CA10: variants seen among roughly 807,000 people sequenced by gnomAD.
CA10 encodes the protein carbonic anhydrase-related protein 10.
CA10 carries 14 observed loss-of-function variants against 44.2 expected under a neutral mutation model. That is an observed-to-expected ratio of 0.32 (90% CI 0.21 to 0.50). The LOEUF is 0.50. Among genes scored for constraint, CA10 ranks in the 20% least tolerant of loss-of-function variants. The pLI is 0.99. For synonymous variants in CA10, 159 were observed against 141.6 expected, an observed-to-expected ratio of 1.12 and a Z score of -0.87; for missense variants, 350 against 409.7, an observed-to-expected ratio of 0.85 and a Z score of 1.26.
intron 3 of CA10, among the ~76,000 whole-genome samples, chr17:51,904,045 A>G (rs1981434778): frequency 6.6e-6 from 1 of 151,318 alleles, no homozygotes. Flanking sequence ...AAGTAAATAC[A>G]GTTTCTGTTT....
At chr17:51,762,448 C>A (rs1905241728) in intron 3 of CA10, 1 of 152,040 alleles carries the variant, frequency 6.6e-6, no homozygotes, top group Non-Finnish European at 1.5e-5. Flanking sequence ...CTGGAGATGC[C>A]TAGAATAGGG....
intron 3 of CA10, among the ~76,000 whole-genome samples, chr17:51,901,383 T>C (rs1981307657): frequency 6.6e-6 from 1 of 152,132 alleles, no homozygotes; most frequent in Non-Finnish European, 1.5e-5. Flanking sequence ...AGAAAGCTGC[T>C]GTACAAGAGG....
At position 51,849,231 on chromosome 17, in the gene CA10, GTGTATATATATA is replaced by G. The variant is rs1242582183; in HGVS notation, c.279+81747_279+81758del. On this transcript the variant is annotated intron_variant, in intron 3 of 8. Transcript: ENST00000451037. ...TATATATATATATACATATATGTGT[GTGTATATATATA>G]TATATATATATATATATATATAAAA... Among the ~76,000 whole-genome samples, 167 of 55,896 alleles carry G rather than the reference GTGTATATATATA, an allele frequency of 3.0e-3. 4 individuals carry two copies. Among genetic ancestry groups the G allele is most frequent in the Middle Eastern group, 0.013 (1 of 80 alleles). The allele number at this position is 55,896 out of a possible 152,430, so 36.7% of individuals were successfully genotyped here.
At chr17:52,120,066 G>T (rs1253059869) in intron 1 of CA10, among the ~76,000 whole-genome samples, 1 of 152,170 alleles carries the variant, frequency 6.6e-6, no homozygotes, top group African/African-American at 2.4e-5. Flanking sequence ...GAGAAAATAA[G>T]ACCAAGGGAG....
intron 2 of CA10, among the ~76,000 whole-genome samples, chr17:51,942,166 C>G (rs908348927): frequency 6.6e-6 from 1 of 152,050 alleles, no homozygotes; most frequent in African/African-American, 2.4e-5. Flanking sequence ...CCAGCTGTTC[C>G]AGTCTGTCTT....
intron 3 of CA10, among the ~76,000 whole-genome samples, chr17:51,758,203 T>C (rs1905128114): frequency 6.6e-6 from 1 of 152,234 alleles, no homozygotes; most frequent in South Asian, 2.1e-4. Flanking sequence ...ACTGAAAAAC[T>C]AGATGAAATG....
intron 1 of CA10, among the ~76,000 whole-genome samples, chr17:52,132,609 G>T (rs921541939): frequency 1.3e-5 from 2 of 152,210 alleles, no homozygotes; most frequent in Non-Finnish European, 2.9e-5. Context: ...AGGGAATGAA[G>T]GCACAGTGAA....
intron 1 of CA10, among the ~76,000 whole-genome samples, chr17:52,115,258 C>T (rs537697600): frequency 6.6e-6 from 1 of 152,308 alleles, no homozygotes; most frequent in Admixed American, 6.5e-5. Context: ...ACTTTCCTCA[C>T]CCTTCAATGT....
At chr17:51,937,291 T>A (rs1475082033) in intron 2 of CA10, among the ~76,000 whole-genome samples, 1 of 152,224 alleles carries the variant, frequency 6.6e-6, no homozygotes, top group Admixed American at 6.5e-5. Context: ...CCTGATTTAC[T>A]GTCTCTTCCT....
At chr17:51,747,966 C>T (rs1446804669) in intron 3 of CA10, 148 bp from the exon 4 acceptor site, 3 of 598,924 alleles carry the variant, frequency 5.0e-6, no homozygotes, top group Non-Finnish European at 8.9e-6. Flanking sequence ...TGGCAGCTGC[C>T]CCAGAGGGTA....
intron 4 of CA10, among the ~76,000 whole-genome samples, chr17:51,705,894 G>C (rs1164791953): frequency 1.3e-5 from 2 of 152,126 alleles, no homozygotes; most frequent in African/African-American, 4.8e-5. Flanking sequence ...GCAAGGTAGG[G>C]GTAGTTTTTT....
chr17:51,827,003 T>C (rs1908032392), intron 3 of CA10, among the ~76,000 whole-genome samples: 1 of 152,162 alleles, frequency 6.6e-6, no homozygotes, highest in African/African-American at 2.4e-5. Context: ...AGTGCTATCA[T>C]TTCCTACTGG....
At chr17:51,973,887 A>T (rs934893996) in intron 2 of CA10, among the ~76,000 whole-genome samples, 3 of 152,210 alleles carry the variant, frequency 2.0e-5, no homozygotes, top group Non-Finnish European at 2.9e-5. Flanking sequence ...GGGAAGTATA[A>T]TGTCAACAGA....
chr17:52,008,948 C>G (rs1252947131), intron 2 of CA10, among the ~76,000 whole-genome samples: 1 of 151,912 alleles, frequency 6.6e-6, no homozygotes, highest in Admixed American at 6.6e-5. Context: ...ATAGGAAGTG[C>G]TTCTTATCTT....
chr17:52,032,523 T>C (rs1986498318), intron 2 of CA10, among the ~76,000 whole-genome samples: 1 of 152,170 alleles, frequency 6.6e-6, no homozygotes, highest in South Asian at 2.1e-4. Flanking sequence ...ACTGTCTTCA[T>C]GGTACCTTCC....
At chr17:51,913,655 C>T (rs990970000) in intron 3 of CA10, among the ~76,000 whole-genome samples, 4 of 71,528 alleles carry the variant, frequency 5.6e-5, no homozygotes, top group Admixed American at 5.1e-4. Context: ...TAGAGAAGTC[C>T]GAATGACCGC....
chr17:51,953,837 A>G (rs1473778296), intron 2 of CA10, among the ~76,000 whole-genome samples: 3 of 152,150 alleles, frequency 2.0e-5, no homozygotes, highest in Non-Finnish European at 4.4e-5. Context: ...AAAGGGTACA[A>G]ATATCAAACA....
At chr17:51,849,263 AT>A (rs1388846948) in intron 3 of CA10, among the ~76,000 whole-genome samples, 41 of 138,600 alleles carry the variant, frequency 3.0e-4, no homozygotes, top group African/African-American at 1.0e-3. Context: ...ATATATATAT[AT>A]AAAACTAAGT....
At chr17:51,656,344 G>A (rs1035578508) in intron 4 of CA10, among the ~76,000 whole-genome samples, 2 of 152,212 alleles carry the variant, frequency 1.3e-5, no homozygotes, top group African/African-American at 4.8e-5. Flanking sequence ...TGGGAGCCAG[G>A]AACTGTAAGA....
Sources: gnomAD v4.1 joint callset for allele counts (sites outside exome capture counted in the v4.1 genomes callset) on GRCh38, gnomAD v4.1.1 for gene constraint, MANE v1.5 for transcripts, NCBI Gene and HGNC (gene_info 2026-07-23, HGNC 2026-07-21) for gene names.